The following DST variants were observed in gnomAD, a reference collection of about 807,000 sequenced individuals.
The protein encoded by DST is dystonin, also known as bullous pemphigoid antigen.
A neutral mutation model predicts 875.2 loss-of-function variants in DST; 253 were observed. The observed-to-expected ratio is 0.29, with a 90% confidence interval of 0.26 to 0.32. DST has a LOEUF of 0.32. Among genes scored for constraint, DST ranks in the 10% least tolerant of loss-of-function variants. The probability of loss-of-function intolerance (pLI) is 1.00; values close to 1 mark genes in which losing one functional copy is unlikely to be tolerated. For synonymous variants in DST, 3,124 were observed against 3,197.1 expected (o/e 0.98, Z 0.77); for missense variants, 8,287 against 9,111.6 (o/e 0.91, Z 3.68).
At chr6:56,540,945 T>C (rs1386614397) in intron 61 of DST, 3 of 152,618 alleles carry the variant, frequency 2.0e-5, no homozygotes, top group Non-Finnish European at 4.4e-5. Context: ...AAACTTTTAA[T>C]TCGTGACTGG....
chr6:56,818,456 A>G (rs890297215), intron 4 of DST, among the ~76,000 whole-genome samples: 2 of 152,210 alleles, frequency 1.3e-5, no homozygotes, highest in African/African-American at 4.8e-5. Flanking sequence ...ATGAGAAGTC[A>G]TATGACAGAC....
chr6:56,783,588 T>A (rs2099698853), intron 4 of DST, among the ~76,000 whole-genome samples: 2 of 152,140 alleles, frequency 1.3e-5, no homozygotes, highest in Admixed American at 1.3e-4. Flanking sequence ...TAGATCTTCC[T>A]CCATCCTTTT....
chr6:56,610,972 G>T (rs2098539626), intron 38 of DST, among the ~76,000 whole-genome samples: 1 of 152,112 alleles, frequency 6.6e-6, no homozygotes. Context: ...AACCTAATTT[G>T]CTAAGGTATA....
chr6:56,617,050 A>T, intron 36 of DST: 1 of 1,614,076 alleles, frequency 6.2e-7, no homozygotes. Context: ...AAAGCCCTGC[A>T]ATTGAGGTGG....
chr6:56,695,126 C>CA (rs34456344), intron 9 of DST, among the ~76,000 whole-genome samples: 1,321 of 69,942 alleles, frequency 0.019, 23 homozygotes, highest in African/African-American at 0.047. Flanking sequence ...GACTCCCTCT[C>CA]AAAAAAAAAA....
intron 61 of DST, among the ~76,000 whole-genome samples, chr6:56,542,124 A>T (rs1389351222): frequency 6.6e-6 from 1 of 152,240 alleles, no homozygotes; most frequent in Non-Finnish European, 1.5e-5. Flanking sequence ...TTTAAAAGAC[A>T]AACACAGGGA....
At chr6:56,522,607 T>C (rs890902654) in intron 69 of DST, among the ~76,000 whole-genome samples, 2 of 152,070 alleles carry the variant, frequency 1.3e-5, no homozygotes, top group Admixed American at 6.6e-5. Context: ...TCTGGTCCTT[T>C]AAAAGAAATA....
intron 4 of DST, among the ~76,000 whole-genome samples, chr6:56,785,038 G>A (rs1326811338): frequency 5.9e-5 from 9 of 152,164 alleles, no homozygotes; most frequent in Admixed American, 3.9e-4. Context: ...CTGCAGAACC[G>A]CGGATTTTCG....
chr6:56,701,183 G>A (rs1173270584), intron 8 of DST, among the ~76,000 whole-genome samples: 2 of 151,292 alleles, frequency 1.3e-5, no homozygotes, highest in Non-Finnish European at 2.9e-5. Context: ...AAAAATTGCT[G>A]CCCCCTCTGA....
At chr6:56,588,245 T>C (rs932446373) in intron 49 of DST, among the ~76,000 whole-genome samples, 1 of 152,182 alleles carries the variant, frequency 6.6e-6, no homozygotes, top group Non-Finnish European at 1.5e-5. Context: ...ACCTTCAATC[T>C]CAACTTTCTG....
In DST at chr6:56,758,705, A is replaced by G. The variant is rs555351675; in HGVS notation, c.626-23416T>C. ...GGAACCTCATTTGAAGCAGTCAGCG[A>G]GAACAGCCACAGGTGTCATCTACAT... On this transcript the variant is annotated intron_variant, in intron 4 of 103. Coordinates refer to ENST00000680361, the MANE Select transcript of DST (RefSeq NM_001374736.1). Among the ~76,000 whole-genome samples the G allele has an allele frequency of 2.1e-4, 32 of 152,326 alleles. 1 individual carries two copies. The South Asian group carries it at 6.6e-3, about 32-fold the overall frequency.
intron 92 of DST, 192 bp from the exon 93 acceptor site, chr6:56,474,194 T>A: frequency 2.0e-6 from 1 of 491,584 alleles, no homozygotes; most frequent in Non-Finnish European, 3.5e-6. Flanking sequence ...CTAAAGAATA[T>A]AAAATGTGGC....
chr6:56,617,116 G>A lies in DST; in HGVS notation c.4930-2632C>T, dbSNP rs377110563. The A allele has an allele frequency of 8.7e-5, 141 of 1,611,610 alleles. No individual in the cohort carries two copies. Among genetic ancestry groups the A allele is most frequent in the Non-Finnish European group, 1.0e-4 (120 of 1,178,540 alleles). On this transcript the variant is annotated intron_variant, in intron 36 of 103. Coordinates refer to ENST00000680361, the MANE Select transcript of DST (RefSeq NM_001374736.1). ...GAACTTCTTCAACAGTCTTAAGACCGAGTCGCAGCTGCTCAATTGTTCTCA... is the reference window on the plus strand; with the variant it reads ...GAACTTCTTCAACAGTCTTAAGACCAAGTCGCAGCTGCTCAATTGTTCTCA...
intron 4 of DST, among the ~76,000 whole-genome samples, chr6:56,753,205 G>A (rs967509548): frequency 6.6e-5 from 10 of 152,150 alleles, no homozygotes; most frequent in African/African-American, 2.4e-4. Flanking sequence ...GATATGGTAT[G>A]CAATGCATAC....
At chr6:56,773,126 T>C (rs2099670836) in intron 4 of DST, among the ~76,000 whole-genome samples, 1 of 152,076 alleles carries the variant, frequency 6.6e-6, no homozygotes, top group Non-Finnish European at 1.5e-5. Context: ...GACTGCCACC[T>C]GATGGGAGAC....
intron 60 of DST, among the ~76,000 whole-genome samples, chr6:56,554,957 A>G (rs1002107820): frequency 1.3e-5 from 2 of 152,254 alleles, no homozygotes; most frequent in Non-Finnish European, 2.9e-5. Context: ...AAAGTTTTCT[A>G]TGACAGAATA....
intron 36 of DST, chr6:56,618,244 A>C: frequency 6.2e-7 from 1 of 1,614,132 alleles, no homozygotes; most frequent in Non-Finnish European, 8.5e-7. Context: ...GTATCTGTTC[A>C]ACAACCCGAT....
chr6:56,497,882 G>A lies in DST; in HGVS notation c.20068C>T (p.Gln6690Ter), dbSNP rs1488483287. ...NVLEKTEQRK[Q>*]QLDGALRQAK... ...TGGCGCAAGGCACCATCCAGCTGCT[G>A]CTTCCTTTGTTCTGTTTTTTCCAAA... The change falls in exon 81 of 104, where the codon CAG (glutamine) becomes TAG (stop). Residue 6690 changes from glutamine to a stop codon, truncating the protein, a stop_gained. Coordinates refer to ENST00000680361, the MANE Select transcript of DST (RefSeq NM_001374736.1). LOFTEE classifies it high-confidence loss of function. 1 of 1,611,676 alleles carries A rather than the reference G, an allele frequency of 6.2e-7. No individual in the cohort carries two copies. Among genetic ancestry groups the A allele is most frequent in the African/African-American group, 1.3e-5 (1 of 74,814 alleles).
chr6:56,487,466 GTCACCTAT>G (rs1250392992), intron 86 of DST, among the ~76,000 whole-genome samples, 193 bp from the exon 87 acceptor site: 1 of 152,122 alleles, frequency 6.6e-6, no homozygotes, highest in Admixed American at 6.6e-5. Context: ...CCATACTTCA[GTCACCTAT>G]TCAATAAAGT....
Sources: allele counts gnomAD v4.1 joint callset (sites outside exome capture counted in the v4.1 genomes callset), GRCh38; gene constraint gnomAD v4.1.1; transcripts MANE v1.5; gene names NCBI Gene and HGNC (gene_info 2026-07-23, HGNC 2026-07-21).